ADRA1A: variants seen among roughly 807,000 people sequenced by gnomAD.
ADRA1A encodes alpha-1A adrenergic receptor.
Under a neutral mutation model 29.6 loss-of-function variants are expected in ADRA1A, and 31 were observed. That is an observed-to-expected ratio of 1.05 (90% CI 0.79 to 1.41). ADRA1A has a LOEUF of 1.41. Among genes scored for constraint, ADRA1A ranks in the 40% most tolerant of loss-of-function variants. The probability of loss-of-function intolerance (pLI) is 0.00; values close to 1 mark genes in which losing one functional copy is unlikely to be tolerated. For synonymous variants in ADRA1A, 311 were observed against 254.3 expected (o/e 1.22, Z -2.12); for missense variants, 619 against 601.1 (o/e 1.03, Z -0.31).
At chr8:26,797,796 G>A (rs1022224427) in intron 2 of ADRA1A, among the ~76,000 whole-genome samples, 18 of 152,074 alleles carry the variant, frequency 1.2e-4, no homozygotes, top group African/African-American at 4.1e-4. Context: ...ATGGAGAAGG[G>A]GGATTCAAGA....
intron 2 of ADRA1A, among the ~76,000 whole-genome samples, chr8:26,839,800 T>C (rs866792312): frequency 6.6e-6 from 1 of 151,946 alleles, no homozygotes; most frequent in South Asian, 2.1e-4. Context: ...GGTGGGATGG[T>C]GGGAAGGGTG....
rs947394950 is a variant in ADRA1A at position 26,858,922 on chromosome 8, A to G, written c.883+5165T>C. Reference sequence around the variant, plus strand: ...TCAGATTCCTCCCAACAGTCATGCTATTCAATGCAGCAAGCAACCCAGCCT... The same window carrying G: ...TCAGATTCCTCCCAACAGTCATGCTGTTCAATGCAGCAAGCAACCCAGCCT... On this transcript the variant is annotated intron_variant, in intron 2 of 2. Coordinates refer to ENST00000380573, the MANE Select transcript of ADRA1A (RefSeq NM_000680.4). 19 of 556,530 alleles carry G rather than the reference A, an allele frequency of 3.4e-5. No homozygotes were observed. The African/African-American group carries it at 3.7e-4, about 11-fold the overall frequency. 34.5% of individuals were successfully genotyped at this position (556,530 alleles called of 1,614,324 possible). A position where few individuals can be genotyped will look rare whatever the true frequency, so the allele number is the denominator to read the frequency against.
chr8:26,858,136 T>C lies in ADRA1A; in HGVS notation c.883+5951A>G, dbSNP rs146463516. Among the ~76,000 whole-genome samples, 59 of 152,352 alleles carry C rather than the reference T, an allele frequency of 3.9e-4. 1 individual carries two copies. The highest frequency in any genetic ancestry group is 1.5e-3 in the Admixed American group (23 of 15,306). The stretch of plus-strand genomic sequence containing the variant: ...CAATGTGCTGCCTCCTGTTCTTTTA[T>C]AAACATAATCCTCAAATATTCTATG... On this transcript the variant is annotated intron_variant, in intron 2 of 2. Coordinates refer to ENST00000380573, the MANE Select transcript of ADRA1A (RefSeq NM_000680.4).
In ADRA1A at chr8:26,864,960, G is replaced by C; in HGVS notation, c.10C>G (p.Leu4Val). Residue 4 changes from leucine to valine, a missense_variant, in exon 2 of 3, where the codon CTC becomes GTC. Physicochemically the swap from Leu to Val is conservative, Grantham distance 32. Coordinates refer to ENST00000380573, the MANE Select transcript of ADRA1A (RefSeq NM_000680.4). This position sits in a 1 kb window ranked among gnomAD's most constrained non-coding sequence, Gnocchi z 8.1. The part of the protein sequence containing the change: MVF[L>V]SGNASDSSNC... ...GAGCTGTCGGAAGCATTTCCCGAGA[G>C]AAACACCATGGTCCCAGCCGGGGCC... 6.2e-7 allele frequency: 1 copy of C among 1,604,336 alleles called. No individual in the cohort carries two copies. Among genetic ancestry groups the C allele is most frequent in the Non-Finnish European group, 8.5e-7 (1 of 1,177,332 alleles).
At chr8:26,808,443 T>A (rs1809153639) in intron 2 of ADRA1A, among the ~76,000 whole-genome samples, 1 of 152,226 alleles carries the variant, frequency 6.6e-6, no homozygotes, top group Non-Finnish European at 1.5e-5. Context: ...ACAGTTTTTT[T>A]AACTTAGCCT....
At chr8:26,812,880 A>C (rs186635670) in intron 2 of ADRA1A, among the ~76,000 whole-genome samples, 27 of 151,990 alleles carry the variant, frequency 1.8e-4, no homozygotes, top group African/African-American at 6.0e-4. Context: ...GTTAGCCAGG[A>C]TGGTCTCGAT....
chr8:26,865,585 G>A lies in ADRA1A; in HGVS notation c.-616C>T. 6.1e-6 allele frequency: 6 copies of A among 988,728 alleles called. No homozygotes were observed. The highest frequency in any genetic ancestry group is 7.2e-6 in the Non-Finnish European group (6 of 832,302). The allele number at this position is 988,728 out of a possible 1,614,324, so 61.2% of individuals were successfully genotyped here. On this transcript the variant is annotated 5_prime_UTR_variant, in exon 2 of 3. Transcript: ENST00000380573. The surrounding 1 kb of genome is among the most constrained non-coding windows in gnomAD (Gnocchi z 7.6). ...CTCTCTCCAGCTTCTAGGAGCACAG[G>A]TCAGGGGACGTAGGTGTGGAATATG...
At chr8:26,777,813 G>A (rs947814463) in intron 2 of ADRA1A, among the ~76,000 whole-genome samples, 4 of 152,226 alleles carry the variant, frequency 2.6e-5, no homozygotes, top group Non-Finnish European at 4.4e-5. Flanking sequence ...ACACTGTGCT[G>A]GGCACACATC....
At chr8:26,804,667 T>C (rs1215261025) in intron 2 of ADRA1A, among the ~76,000 whole-genome samples, 1 of 152,116 alleles carries the variant, frequency 6.6e-6, no homozygotes, top group Non-Finnish European at 1.5e-5. Context: ...GATGGACAAA[T>C]GATCATATAA....
intron 2 of ADRA1A, among the ~76,000 whole-genome samples, chr8:26,802,954 A>G (rs998604076): frequency 6.6e-6 from 1 of 152,160 alleles, no homozygotes; most frequent in African/African-American, 2.4e-5. Context: ...ACATTTTGTT[A>G]AGTGAAATAA....
chr8:26,850,031 C>CAAAAAAAAAAAAAAAAAA (rs1812505434), intron 2 of ADRA1A, among the ~76,000 whole-genome samples: 1 of 34,070 alleles, frequency 2.9e-5, no homozygotes, highest in Non-Finnish European at 7.0e-5. Flanking sequence ...AATGCAAAAA[C>CAAAAAAAAAAAAAAAAAA]AAAAAACAAA....
exon 3 of ADRA1A, chr8:26,756,705 C>T: frequency 6.2e-7 from 1 of 1,613,958 alleles, no homozygotes; most frequent in Non-Finnish European, 8.5e-7. Flanking sequence ...TGGTGGGTTT[C>T]ATGCTCCCCT....
In ADRA1A at chr8:26,769,023, A is replaced by G. The variant is rs1805946639; in HGVS notation, c.*1126T>C. 1 of 985,494 alleles carries G rather than the reference A, an allele frequency of 1.0e-6. No individual in the cohort carries two copies. 61.0% of individuals were successfully genotyped at this position (985,494 alleles called of 1,614,324 possible). ...TCAGTATTGTCTGAAGCTAAGCATT[A>G]GTATTTTTCAAAGTTCGGGAATAAT... On this transcript the variant is annotated 3_prime_UTR_variant, in exon 3 of 3. Transcript: ENST00000380573.
chr8:26,750,335 G>C (rs539973642), intron 2 of ADRA1A, among the ~76,000 whole-genome samples: 4 of 152,230 alleles, frequency 2.6e-5, no homozygotes, highest in African/African-American at 9.6e-5. Context: ...CCAAGTAGCT[G>C]GGACTACAGA....
Position 26,796,447 on chromosome 8 carries a change from T to G in ADRA1A, c.884-25781A>C, listed in dbSNP as rs1191044366. ...TCATCCTGCTTGAAAGCCAAATGCA[T>G]TCAGGGCTGTGAAGGACACAAAGAG... On this transcript the variant is annotated intron_variant, in intron 2 of 2. Transcript: ENST00000380573. This position sits in a 1 kb window ranked among gnomAD's most constrained non-coding sequence, Gnocchi z 5.0. Among the ~76,000 whole-genome samples, 3 of 152,158 alleles carry G rather than the reference T, an allele frequency of 2.0e-5. No homozygotes were observed. Among genetic ancestry groups the G allele is most frequent in the Non-Finnish European group, 4.4e-5 (3 of 68,020 alleles).
At chr8:26,757,164 C>T (rs1805216284) in intron 2 of ADRA1A, 1 of 698,640 alleles carries the variant, frequency 1.4e-6, no homozygotes, top group Admixed American at 2.0e-5. Flanking sequence ...CAGAGTTGGG[C>T]CAAGAACCTC....
In ADRA1A at chr8:26,860,963, A is replaced by G. The variant is rs1166033473; in HGVS notation, c.883+3124T>C. 6.6e-6 allele frequency among the ~76,000 whole-genome samples: 1 copy of G among 152,014 alleles called. No homozygotes were observed. The highest frequency in any genetic ancestry group is 2.4e-5 in the African/African-American group (1 of 41,364). On this transcript the variant is annotated intron_variant, in intron 2 of 2. Transcript: ENST00000380573. This position sits in a 1 kb window ranked among gnomAD's most constrained non-coding sequence, Gnocchi z 4.7. ...GCAAAACCTTTCAGAAGAGTTGTCT[A>G]TTTTCCCTGTTCCCACTTTTTTTAT...
At chr8:26,756,465 T>A in exon 3 of ADRA1A, 1 of 1,469,722 alleles carries the variant, frequency 6.8e-7, no homozygotes, top group South Asian at 1.3e-5. Flanking sequence ...GGAGGTTGTA[T>A]GAAACTGATT....
intron 2 of ADRA1A, among the ~76,000 whole-genome samples, chr8:26,786,634 C>T (rs1006080674): frequency 2.0e-5 from 3 of 151,906 alleles, no homozygotes; most frequent in African/African-American, 4.8e-5. Flanking sequence ...TCCTCTCAAC[C>T]TCTGTCCCCT....
Sources: gnomAD v4.1 joint callset for allele counts (sites outside exome capture counted in the v4.1 genomes callset) on GRCh38, gnomAD v4.1.1 for gene constraint, Gnocchi (gnomAD v3.1) non-coding constraint, MANE v1.5 for transcripts, NCBI Gene and HGNC (gene_info 2026-07-23, HGNC 2026-07-21) for gene names.